SPATA31H1: variants seen among roughly 807,000 people sequenced by gnomAD.
The protein encoded by SPATA31H1 is SPATA31 subfamily H member 1, also known as spermatogenesis-associated protein 31H1.
the SPATA31H1 span, among the ~76,000 whole-genome samples, chr2:27,556,518 G>A: frequency 2.0e-5 from 3 of 151,080 alleles, no homozygotes; most frequent in Non-Finnish European, 4.4e-5. Context: ...CTTCATTATG[G>A]ATATTTTCTT....
chr2:27,561,873 T>C, the SPATA31H1 span, among the ~76,000 whole-genome samples: 1 of 152,202 alleles, frequency 6.6e-6, no homozygotes, highest in Non-Finnish European at 1.5e-5. Context: ...TAGCTTTTTG[T>C]ATTTTTTTGT....
chr2:27,581,164 A>G, the SPATA31H1 span: 7 of 1,614,184 alleles, frequency 4.3e-6, no homozygotes, highest in Non-Finnish European at 4.2e-6. Flanking sequence ...CGACATCTTA[A>G]AGACAAACTC....
chr2:27,566,583 A>T, the SPATA31H1 span, among the ~76,000 whole-genome samples: 10 of 152,156 alleles, frequency 6.6e-5, no homozygotes, highest in Admixed American at 1.3e-4. Flanking sequence ...CCTGGTGGAG[A>T]AATTATTTCT....
At chr2:27,546,055 T>G in the SPATA31H1 span, among the ~76,000 whole-genome samples, 1 of 152,086 alleles carries the variant, frequency 6.6e-6, no homozygotes, top group Non-Finnish European at 1.5e-5. Context: ...ACTTAACTGA[T>G]TTGTAGGAAT....
the SPATA31H1 span, chr2:27,576,792 G>A: frequency 1.0e-4 from 164 of 1,614,056 alleles, no homozygotes; most frequent in East Asian, 5.1e-4. Flanking sequence ...GTTGCAAAGC[G>A]TAAAACATGT....
At chr2:27,547,672 C>T in the SPATA31H1 span, among the ~76,000 whole-genome samples, 31 of 151,948 alleles carry the variant, frequency 2.0e-4, 2 homozygotes, top group African/African-American at 4.6e-4. Context: ...GTTCATGTCT[C>T]GTTTATTTAG....
the SPATA31H1 span, chr2:27,567,254 G>A: frequency 1.6e-6 from 1 of 612,908 alleles, no homozygotes; most frequent in East Asian, 2.7e-5. Flanking sequence ...CTACATTCAA[G>A]CTCTCTCCTT....
At chr2:27,541,950 T>G in the SPATA31H1 span, among the ~76,000 whole-genome samples, 2 of 151,894 alleles carry the variant, frequency 1.3e-5, no homozygotes, top group Non-Finnish European at 2.9e-5. Context: ...TTTTAATTTT[T>G]TTTGGTAGAG....
the SPATA31H1 span, chr2:27,578,873 A>G: frequency 6.2e-7 from 1 of 1,614,172 alleles, no homozygotes; most frequent in Non-Finnish European, 8.5e-7. Context: ...CTTTGGATAT[A>G]AAAAACCCTG....
At chr2:27,582,198 A>G in the SPATA31H1 span, 6 of 1,613,464 alleles carry the variant, frequency 3.7e-6, no homozygotes, top group Non-Finnish European at 5.1e-6. Flanking sequence ...CTCTGGGAAA[A>G]CCTGTCACAG....
the SPATA31H1 span, among the ~76,000 whole-genome samples, chr2:27,544,978 G>C: frequency 1.3e-5 from 2 of 151,666 alleles, no homozygotes; most frequent in African/African-American, 2.4e-5. Flanking sequence ...AAAAGGCTCT[G>C]TGATCTTATA....
chr2:27,576,132 G>A, the SPATA31H1 span: 1 of 402,914 alleles, frequency 2.5e-6, no homozygotes, highest in Non-Finnish European at 4.4e-6. Context: ...AGATTCTATG[G>A]AGTGCAAACT....
the SPATA31H1 span, among the ~76,000 whole-genome samples, chr2:27,541,470 C>G: frequency 6.6e-6 from 1 of 151,988 alleles, no homozygotes; most frequent in Non-Finnish European, 1.5e-5. Context: ...TCTATGAGGA[C>G]TACATTCATC....
the SPATA31H1 span, chr2:27,566,803 T>C: frequency 1.4e-6 from 1 of 717,808 alleles, no homozygotes; most frequent in South Asian, 1.5e-5. Flanking sequence ...ACCTCTGTTC[T>C]TGTGGCTCAG....
chr2:27,568,683 T>C, the SPATA31H1 span: 1 of 398,760 alleles, frequency 2.5e-6, no homozygotes, highest in Non-Finnish European at 4.4e-6. Context: ...ATCTGCGGAG[T>C]TGGCCCCAAA....
At chr2:27,546,864 G>C in the SPATA31H1 span, among the ~76,000 whole-genome samples, 1 of 151,820 alleles carries the variant, frequency 6.6e-6, no homozygotes, top group African/African-American at 2.4e-5. Flanking sequence ...AAAAATTAAT[G>C]CAAAAAAATC....
At chr2:27,560,347 TCTA>T in the SPATA31H1 span, among the ~76,000 whole-genome samples, 1 of 152,252 alleles carries the variant, frequency 6.6e-6, no homozygotes, top group Admixed American at 6.5e-5. Flanking sequence ...ATTTTTTCAT[TCTA>T]CTACATATAA....
the SPATA31H1 span, chr2:27,579,348 C>T: frequency 6.2e-7 from 1 of 1,614,208 alleles, no homozygotes. Context: ...TCAATCTATT[C>T]AGAATTTATT....
At chr2:27,570,538 C>T in the SPATA31H1 span, 1 of 398,786 alleles carries the variant, frequency 2.5e-6, no homozygotes, top group African/African-American at 2.1e-5. Flanking sequence ...TTTCCAGGAA[C>T]TCAAAGTATG....
Sources: allele counts gnomAD v4.1 joint callset (sites outside exome capture counted in the v4.1 genomes callset), GRCh38; gene constraint gnomAD v4.1.1; transcripts MANE v1.5; gene names NCBI Gene and HGNC (gene_info 2026-07-23, HGNC 2026-07-21).